The following LRRC20 variants were observed in gnomAD, a reference collection of about 807,000 sequenced individuals.
LRRC20 encodes the protein leucine-rich repeat-containing protein 20.
A neutral mutation model predicts 14.4 loss-of-function variants in LRRC20; 11 were observed. The observed-to-expected ratio is 0.77, with a 90% confidence interval of 0.48 to 1.27. The LOEUF (loss-of-function observed/expected upper bound fraction) is 1.27, where lower values mean the gene tolerates loss of function less well. LRRC20 is among the 50% of genes most tolerant of loss of function. The pLI is 0.00. For missense variants in LRRC20, 219 were observed against 251.2 expected, an observed-to-expected ratio of 0.87 and a Z score of 0.87; for synonymous variants, 121 against 107.3, an observed-to-expected ratio of 1.13 and a Z score of -0.79.
chr10:70,373,248 A>AC (rs11453454), intron 2 of LRRC20, among the ~76,000 whole-genome samples: 147,631 of 152,306 alleles, frequency 0.97, 71,698 homozygotes, highest in Non-Finnish European at 1. Flanking sequence ...TTCAATTACC[A>AC]CTCCTCCAGA....
chr10:70,338,502 GGAGA>G (rs1440232493), intron 3 of LRRC20, among the ~76,000 whole-genome samples: 1 of 152,140 alleles, frequency 6.6e-6, no homozygotes, highest in Non-Finnish European at 1.5e-5. Context: ...CCTTTCATGG[GGAGA>G]CCACATTCTG....
At chr10:70,362,231 C>T (rs562728118) in intron 2 of LRRC20, among the ~76,000 whole-genome samples, 1 of 152,248 alleles carries the variant, frequency 6.6e-6, no homozygotes, top group East Asian at 1.9e-4. Context: ...ATAAGAAGGG[C>T]CCAGACACGT....
chr10:70,358,833 A>C (rs963537720), intron 2 of LRRC20, among the ~76,000 whole-genome samples: 1 of 152,182 alleles, frequency 6.6e-6, no homozygotes, highest in Non-Finnish European at 1.5e-5. Flanking sequence ...TCCAGGACCC[A>C]CAAGAGGTGA....
chr10:70,301,094 A>G lies in LRRC20; in HGVS notation c.*260T>C. 1 of 1,294,174 alleles carries G rather than the reference A, an allele frequency of 7.7e-7. No individual in the cohort carries two copies. Among genetic ancestry groups the G allele is most frequent in the Non-Finnish European group, 9.8e-7 (1 of 1,021,960 alleles). 80.2% of individuals were successfully genotyped at this position (1,294,174 alleles called of 1,614,324 possible). On this transcript the variant is annotated 3_prime_UTR_variant, in exon 5 of 5. Transcript: ENST00000446961. ...TCAAGTGACAAGGCTCAGAGAGGGC[A>G]GGAGATCTGCCTGAGTTTGCACAGC...
chr10:70,300,946 C>T lies in LRRC20; in HGVS notation c.*408G>A, dbSNP rs1841152274. ...AGCACTAAAAACAAGGCCTCAAACC[C>T]GCAGGGGCTCAGAAAATACCTGGCA... On this transcript the variant is annotated 3_prime_UTR_variant, in exon 5 of 5. Coordinates refer to ENST00000446961, the MANE Select transcript of LRRC20 (RefSeq NM_001278212.2). The T allele has an allele frequency of 3.2e-5, 32 of 997,812 alleles. No individual in the cohort carries two copies. The highest frequency in any genetic ancestry group is 5.0e-4 in the Middle Eastern group (1 of 1,998). The allele number at this position is 997,812 out of a possible 1,614,324, so 61.8% of individuals were successfully genotyped here.
chr10:70,377,932 C>T (rs578041349), intron 1 of LRRC20, among the ~76,000 whole-genome samples: 2 of 152,294 alleles, frequency 1.3e-5, no homozygotes, highest in Admixed American at 1.3e-4. Flanking sequence ...GCTCAACACC[C>T]CCATTTATTG....
intron 3 of LRRC20, among the ~76,000 whole-genome samples, 159 bp from the exon 4 acceptor site, chr10:70,324,189 A>T (rs1842224059): frequency 6.6e-6 from 1 of 152,038 alleles, no homozygotes; most frequent in Non-Finnish European, 1.5e-5. Flanking sequence ...TTCCATGTTT[A>T]TTTGTGCTAG....
At chr10:70,348,864 G>A (rs1340265108) in intron 2 of LRRC20, among the ~76,000 whole-genome samples, 1 of 152,226 alleles carries the variant, frequency 6.6e-6, no homozygotes, top group Non-Finnish European at 1.5e-5. Context: ...TAATTCAGAG[G>A]TTGGGCACCA....
intron 4 of LRRC20, among the ~76,000 whole-genome samples, chr10:70,310,839 C>A (rs4746998): frequency 6.6e-6 from 1 of 152,152 alleles, no homozygotes; most frequent in African/African-American, 2.4e-5. Flanking sequence ...CCTCTGTGGA[C>A]CAACGCTATG....
intron 2 of LRRC20, among the ~76,000 whole-genome samples, chr10:70,350,150 G>A (rs947516181): frequency 1.3e-5 from 2 of 152,208 alleles, no homozygotes; most frequent in Admixed American, 6.5e-5. Flanking sequence ...CACAGACCCC[G>A]ACAGGGGTCA....
At chr10:70,334,086 G>T (rs1842632265) in intron 3 of LRRC20, among the ~76,000 whole-genome samples, 1 of 151,950 alleles carries the variant, frequency 6.6e-6, no homozygotes, top group Non-Finnish European at 1.5e-5. Context: ...GGAGGTGGAG[G>T]TGGCAGTGAG....
chr10:70,326,596 C>A (rs1050920167), intron 3 of LRRC20, among the ~76,000 whole-genome samples: 4 of 152,314 alleles, frequency 2.6e-5, no homozygotes, highest in African/African-American at 9.6e-5. Flanking sequence ...GCTCGCTTCA[C>A]GCAAACCCAG....
At position 70,369,623 on chromosome 10, in the gene LRRC20, A is replaced by C. The variant is rs1000132474; in HGVS notation, c.82+6829T>G. Among the ~76,000 whole-genome samples the C allele has an allele frequency of 6.0e-4, 91 of 151,004 alleles. 2 individuals are homozygous for C. The highest frequency in any genetic ancestry group is 9.6e-4 in the Non-Finnish European group (65 of 67,740). On this transcript the variant is annotated intron_variant, in intron 2 of 4. Coordinates refer to ENST00000446961, the MANE Select transcript of LRRC20 (RefSeq NM_001278212.2). ...GCTGTCTCAAAAAAAAAAAAAAAAA[A>C]AAAAAAAAAACCATACATACACACT... is the stretch of plus-strand genomic sequence containing the variant.
At position 70,334,064 on chromosome 10, in the gene LRRC20, C is replaced by T. The variant is rs1221356272; in HGVS notation, c.232+6489G>A. Among the ~76,000 whole-genome samples the T allele has an allele frequency of 9.2e-5, 14 of 151,832 alleles. No homozygotes were observed. In the South Asian group the frequency reaches 1.0e-3, roughly 11 times the overall value. On this transcript the variant is annotated intron_variant, in intron 3 of 4. Transcript: ENST00000446961. ...ACTCGGGAGGCTGAGGCAGAAGAAT[C>T]GCTTGAACTGGGGAGGTGGAGGTGG...
At chr10:70,346,061 T>C (rs1843062267) in intron 2 of LRRC20, among the ~76,000 whole-genome samples, 1 of 152,126 alleles carries the variant, frequency 6.6e-6, no homozygotes, top group South Asian at 2.1e-4. Flanking sequence ...GAGACCAGCC[T>C]GGCCAACATG....
intron 4 of LRRC20, among the ~76,000 whole-genome samples, chr10:70,323,004 C>G (rs984774325): frequency 1.3e-5 from 2 of 151,818 alleles, no homozygotes; most frequent in African/African-American, 4.8e-5. Context: ...AATCAAATGG[C>G]ATAATGGCTA....
At position 70,299,252 on chromosome 10, in the gene LRRC20, T is replaced by G. The variant is rs769569956; in HGVS notation, c.*2102A>C. On this transcript the variant is annotated 3_prime_UTR_variant, in exon 5 of 5. Coordinates refer to ENST00000446961, the MANE Select transcript of LRRC20 (RefSeq NM_001278212.2). Reference sequence around the variant, plus strand: ...ATCTCCTGGTGACTGCAGGTCACACTCCCTTCTTCAGGAGTGCCATGCAGA... The same window carrying G: ...ATCTCCTGGTGACTGCAGGTCACACGCCCTTCTTCAGGAGTGCCATGCAGA... The G allele has an allele frequency of 6.6e-6, 1 of 152,180 alleles. No individual in the cohort carries two copies. Among genetic ancestry groups the G allele is most frequent in the Non-Finnish European group, 1.5e-5 (1 of 68,072 alleles). The allele number at this position is 152,180 out of a possible 1,614,324, so 9.4% of individuals were successfully genotyped here. A position where few individuals can be genotyped will look rare whatever the true frequency, so the allele number is the denominator to read the frequency against.
At chr10:70,377,930 C>A (rs918627604) in intron 1 of LRRC20, among the ~76,000 whole-genome samples, 27 of 152,210 alleles carry the variant, frequency 1.8e-4, no homozygotes, top group Admixed American at 3.3e-4. Flanking sequence ...ATGCTCAACA[C>A]CCCCATTTAT....
At chr10:70,326,197 T>C (rs988342830) in intron 3 of LRRC20, among the ~76,000 whole-genome samples, 4 of 151,714 alleles carry the variant, frequency 2.6e-5, no homozygotes, top group African/African-American at 9.7e-5. Context: ...TGCCTGCTCT[T>C]CCACAGCCCC....
Sources: gnomAD v4.1 joint callset for allele counts (sites outside exome capture counted in the v4.1 genomes callset) on GRCh38, gnomAD v4.1.1 for gene constraint, MANE v1.5 for transcripts, NCBI Gene and HGNC (gene_info 2026-07-23, HGNC 2026-07-21) for gene names.